The following UXS1 variants were observed in gnomAD, a reference collection of about 807,000 sequenced individuals.
UXS1 encodes UDP-glucuronate decarboxylase 1, also known as UDP-glucuronic acid decarboxylase 1.
A neutral mutation model predicts 62.6 loss-of-function variants in UXS1; 33 were observed. That is an observed-to-expected ratio of 0.53 (90% CI 0.40 to 0.70). The LOEUF (loss-of-function observed/expected upper bound fraction) is 0.70. UXS1 is among the 30% of genes least tolerant of loss of function. The pLI, the probability that UXS1 is intolerant of heterozygous loss-of-function variation, is 0.00. For missense variants in UXS1, 434 were observed against 556.3 expected (o/e 0.78, Z 2.21); for synonymous variants, 213 against 206.8 (o/e 1.03, Z -0.26).
intron 6 of UXS1, among the ~76,000 whole-genome samples, chr2:106,143,424 AAAAAAAAAAAAAAAG>A (rs1364540663): frequency 2.7e-5 from 4 of 148,198 alleles, no homozygotes; most frequent in African/African-American, 9.8e-5. Flanking sequence ...AAAAAAAAAA[AAAAAAAAAAAAAAAG>A]GTATAATTTG....
chr2:106,178,524 GTA>G (rs1234784351), intron 1 of UXS1, among the ~76,000 whole-genome samples: 2 of 302 alleles, frequency 6.6e-3, no homozygotes, highest in Non-Finnish European at 0.04. Context: ...ACAAGTCTAT[GTA>G]TATGTATGTG....
At chr2:106,190,533 G>A (rs968925787) in intron 1 of UXS1, among the ~76,000 whole-genome samples, 1 of 152,106 alleles carries the variant, frequency 6.6e-6, no homozygotes, top group African/African-American at 2.4e-5. Flanking sequence ...ATCACCTGAG[G>A]TCAGGAGTTT....
intron 10 of UXS1, among the ~76,000 whole-genome samples, chr2:106,110,273 C>T (rs1678476728): frequency 6.6e-6 from 1 of 152,156 alleles, no homozygotes. Context: ...AGATCTTCTC[C>T]CTTTTGTCTC....
intron 6 of UXS1, among the ~76,000 whole-genome samples, chr2:106,134,271 T>C (rs1262643204): frequency 7.0e-5 from 8 of 114,888 alleles, no homozygotes; most frequent in African/African-American, 2.4e-4. Context: ...TAATCAATAG[T>C]TTACCAACCA....
intron 14 of UXS1, 35 bp downstream of exon 14, chr2:106,096,683 C>T: frequency 6.6e-7 from 1 of 1,522,234 alleles, no homozygotes; most frequent in Non-Finnish European, 8.8e-7. Flanking sequence ...CGGGAGGCCC[C>T]TCCCCACAAG....
At chr2:106,177,991 G>T (rs569439302) in intron 1 of UXS1, among the ~76,000 whole-genome samples, 67 of 152,178 alleles carry the variant, frequency 4.4e-4, no homozygotes, top group Non-Finnish European at 7.5e-4. Flanking sequence ...CCACATTTTA[G>T]TAAGACAAAG....
chr2:106,141,567 C>T (rs1050441573), intron 6 of UXS1, among the ~76,000 whole-genome samples: 9 of 151,314 alleles, frequency 5.9e-5, no homozygotes, highest in African/African-American at 2.2e-4. Flanking sequence ...AAGTAATCCT[C>T]CCACCTCAGC....
At chr2:106,129,448 A>G (rs1017783906) in intron 7 of UXS1, among the ~76,000 whole-genome samples, 30 of 152,322 alleles carry the variant, frequency 2.0e-4, no homozygotes, top group Admixed American at 2.0e-3. Context: ...GATTACTACA[A>G]TGCATGAAAA....
At chr2:106,097,344 C>A in intron 13 of UXS1, 1 of 395,478 alleles carries the variant, frequency 2.5e-6, no homozygotes, top group Admixed American at 2.7e-5. Flanking sequence ...TGTTCCACAT[C>A]CTTGCTGGGC....
At chr2:106,148,366 GCAACTTTTAAA>G (rs763388342) in intron 5 of UXS1, among the ~76,000 whole-genome samples, 4 of 152,074 alleles carry the variant, frequency 2.6e-5, no homozygotes, top group Non-Finnish European at 5.9e-5. Context: ...TTAAAAACTT[GCAACTTTTAAA>G]AAGAAATGTA....
At chr2:106,137,207 A>C (rs1290535415) in intron 6 of UXS1, among the ~76,000 whole-genome samples, 4 of 152,208 alleles carry the variant, frequency 2.6e-5, no homozygotes, top group Non-Finnish European at 5.9e-5. Context: ...AAAACAGCTA[A>C]AAATAAAAGA....
chr2:106,138,856 T>C (rs1680869205), intron 6 of UXS1: 1 of 985,344 alleles, frequency 1.0e-6, no homozygotes, highest in Non-Finnish European at 1.2e-6. Context: ...TCCTGTAACA[T>C]TAACAATAAC....
chr2:106,156,080 A>G (rs1682398702), intron 5 of UXS1, among the ~76,000 whole-genome samples: 1 of 152,226 alleles, frequency 6.6e-6, no homozygotes, highest in South Asian at 2.1e-4. Context: ...GCTTCAAAGA[A>G]TGTCATCAAG....
Position 106,144,247 on chromosome 2 carries a change from T to C in UXS1, c.472+943A>G, listed in dbSNP as rs139093788. Among the ~76,000 whole-genome samples the C allele has an allele frequency of 4.1e-3, 631 of 152,276 alleles. 2 individuals are homozygous for C. The highest frequency in any genetic ancestry group is 0.017 in the Middle Eastern group (5 of 294). On this transcript the variant is annotated intron_variant, in intron 6 of 14. Transcript: ENST00000283148. ...AACTACAGCTTCACTCCAAAATGAA[T>C]CCTAAACAGATTACATAATTAAACG...
At chr2:106,180,854 C>T (rs1684197985) in intron 1 of UXS1, among the ~76,000 whole-genome samples, 1 of 152,172 alleles carries the variant, frequency 6.6e-6, no homozygotes, top group Admixed American at 6.5e-5. Flanking sequence ...CCCAACTTCG[C>T]AAATATCAAT....
rs954939981 is a variant in UXS1, at chr2:106,094,809, C to G, written c.1147-652G>C. The stretch of plus-strand genomic sequence containing the variant: ...GAAAGAGAAAAGGTGAAGGGAGGCA[C>G]TGCTAAGGGGTGCTGGGGCACCACT... On this transcript the variant is annotated intron_variant, in intron 14 of 14. Transcript: ENST00000283148. Among the ~76,000 whole-genome samples, 11 of 152,236 alleles carry G rather than the reference C, an allele frequency of 7.2e-5. 1 individual carries two copies. The highest frequency in any genetic ancestry group is 2.7e-4 in the African/African-American group (11 of 41,462).
At chr2:106,174,204 C>A (rs1362886468) in intron 1 of UXS1, among the ~76,000 whole-genome samples, 1 of 152,110 alleles carries the variant, frequency 6.6e-6, no homozygotes, top group Non-Finnish European at 1.5e-5. Context: ...CCAGGAGATT[C>A]TGTTCATGAA....
At chr2:106,176,019 C>T (rs1347341058) in intron 1 of UXS1, among the ~76,000 whole-genome samples, 4 of 152,178 alleles carry the variant, frequency 2.6e-5, no homozygotes, top group Non-Finnish European at 4.4e-5. Context: ...CTAAATCCCT[C>T]CTCACCCACA....
intron 6 of UXS1, among the ~76,000 whole-genome samples, chr2:106,144,392 G>A (rs184127447): frequency 6.6e-6 from 1 of 152,268 alleles, no homozygotes; most frequent in East Asian, 1.9e-4. Context: ...AGAAGAAACA[G>A]CAAGAAGAAT....
Sources: gnomAD v4.1 joint callset for allele counts (sites outside exome capture counted in the v4.1 genomes callset) on GRCh38, gnomAD v4.1.1 for gene constraint, MANE v1.5 for transcripts, NCBI Gene and HGNC (gene_info 2026-07-23, HGNC 2026-07-21) for gene names.